The following SHISA9 variants were observed in gnomAD, a reference collection of about 807,000 sequenced individuals.
The protein encoded by SHISA9 is shisa family member 9.
A neutral mutation model predicts 38.0 loss-of-function variants in SHISA9; 13 were observed. The ratio of observed to expected loss-of-function variants is 0.34; its 90% CI spans 0.22 to 0.54. SHISA9 has a LOEUF of 0.54. SHISA9 is among the 20% of genes least tolerant of loss of function. The pLI is 0.91. For synonymous variants in SHISA9, 275 were observed against 242.0 expected (o/e 1.14, Z -1.27); for missense variants, 538 against 575.8 (o/e 0.93, Z 0.67).
At chr16:12,976,461 G>A (rs2072163071) in intron 2 of SHISA9, among the ~76,000 whole-genome samples, 2 of 152,106 alleles carry the variant, frequency 1.3e-5, no homozygotes, top group South Asian at 4.2e-4. Flanking sequence ...TGACATGGGT[G>A]CATCATCTTT....
rs1195559505 is a variant in SHISA9 at position 13,236,161 on chromosome 16, G to C, written c.*752G>C. The C allele has an allele frequency of 6.6e-6, 1 of 152,130 alleles. No homozygotes were observed. Among genetic ancestry groups the C allele is most frequent in the Non-Finnish European group, 1.5e-5 (1 of 68,052 alleles). The allele number at this position is 152,130 out of a possible 1,614,324, so 9.4% of individuals were successfully genotyped here. On this transcript the variant is annotated 3_prime_UTR_variant, in exon 5 of 5. Transcript: ENST00000558583. ...AACAAAAAACAAAAAACATTTTAGA[G>C]AACTCCCATAAGGACCATGACCGTG...
intron 2 of SHISA9, among the ~76,000 whole-genome samples, chr16:13,033,884 G>A (rs966607390): frequency 7.2e-5 from 11 of 152,340 alleles, no homozygotes; most frequent in Admixed American, 2.0e-4. Context: ...TGTGGCTCAC[G>A]CCTGTAATTC....
intron 1 of SHISA9, among the ~76,000 whole-genome samples, chr16:12,904,514 C>G (rs368141569): frequency 2.8e-4 from 42 of 152,288 alleles, no homozygotes; most frequent in African/African-American, 9.9e-4. Context: ...GTCCTGCCCC[C>G]GTGCAGCTCT....
intron 2 of SHISA9, among the ~76,000 whole-genome samples, chr16:13,136,769 A>G (rs1300321842): frequency 1.3e-5 from 2 of 152,170 alleles, no homozygotes; most frequent in Non-Finnish European, 2.9e-5. Context: ...CTTTCTACTG[A>G]TAAGTCCACA....
At chr16:13,180,818 T>C (rs1448662030) in intron 2 of SHISA9, among the ~76,000 whole-genome samples, 1 of 152,220 alleles carries the variant, frequency 6.6e-6, no homozygotes, top group Non-Finnish European at 1.5e-5. Flanking sequence ...AGTAGGATTC[T>C]ACATTCCATG....
At chr16:13,152,625 G>A (rs1338818085) in intron 2 of SHISA9, among the ~76,000 whole-genome samples, 2 of 152,148 alleles carry the variant, frequency 1.3e-5, no homozygotes, top group African/African-American at 4.8e-5. Context: ...CAGGGGCAGG[G>A]TTAAATGCCA....
At chr16:13,373,634 C>T in the SHISA9 span, among the ~76,000 whole-genome samples, 6 of 152,100 alleles carry the variant, frequency 3.9e-5, no homozygotes, top group African/African-American at 1.4e-4. Context: ...TGGTAGCGGG[C>T]GCCTGTAGTC....
At chr16:12,904,915 AC>A in intron 1 of SHISA9, among the ~76,000 whole-genome samples, 1 of 152,204 alleles carries the variant, frequency 6.6e-6, no homozygotes, top group Middle Eastern at 3.4e-3. Context: ...ACGGGTTTTC[AC>A]CATGTTGGCC....
the SHISA9 span, among the ~76,000 whole-genome samples, chr16:13,380,175 G>C: frequency 6.6e-6 from 1 of 151,314 alleles, no homozygotes; most frequent in South Asian, 2.1e-4. Context: ...AATAGAAGAG[G>C]GATTACAGAG....
At chr16:12,990,866 T>C (rs558428973) in intron 2 of SHISA9, among the ~76,000 whole-genome samples, 2 of 152,332 alleles carry the variant, frequency 1.3e-5, no homozygotes, top group South Asian at 2.1e-4. Context: ...ATTTCACCCA[T>C]AGCTTTTCTA....
chr16:13,282,323 T>G, the SHISA9 span, among the ~76,000 whole-genome samples: 1 of 152,040 alleles, frequency 6.6e-6, no homozygotes, highest in East Asian at 1.9e-4. Context: ...AAGATTTTTT[T>G]GTTATTGTTT....
chr16:13,403,893 G>A, the SHISA9 span, among the ~76,000 whole-genome samples: 3 of 152,186 alleles, frequency 2.0e-5, no homozygotes, highest in Admixed American at 2.0e-4. Context: ...GGAAAGGAAG[G>A]GGAATAAACA....
Position 12,902,518 on chromosome 16 carries a change from C to G in SHISA9, c.454C>G (p.Leu152Val). The part of the protein sequence containing the change: ...LHDPTKDKTN[L>V]IVYIICGVVA... Reference sequence around the variant, plus strand: ...CGACCCCACCAAGGACAAGACCAACCTGATCGTCTACATCATCTGCGGGGT... The same window carrying G: ...CGACCCCACCAAGGACAAGACCAACGTGATCGTCTACATCATCTGCGGGGT... The change falls in exon 1 of 5, where the codon CTG becomes GTG. Residue 152 changes from leucine to valine, a missense_variant. Coordinates refer to ENST00000558583, the MANE Select transcript of SHISA9 (RefSeq NM_001145204.3). 6.4e-7 allele frequency: 1 copy of G among 1,551,578 alleles called. No homozygotes were observed.
At chr16:12,923,859 G>A (rs927734504) in intron 2 of SHISA9, among the ~76,000 whole-genome samples, 3 of 151,860 alleles carry the variant, frequency 2.0e-5, no homozygotes, top group African/African-American at 7.3e-5. Context: ...AAAAATTAGA[G>A]GAGTTATCAG....
chr16:13,226,612 G>A (rs1270036885), intron 4 of SHISA9, among the ~76,000 whole-genome samples: 1 of 152,162 alleles, frequency 6.6e-6, no homozygotes, highest in Non-Finnish European at 1.5e-5. Context: ...CTTAGTTGCT[G>A]AGCATAGCAA....
At chr16:13,469,984 C>T in the SHISA9 span, among the ~76,000 whole-genome samples, 1 of 152,202 alleles carries the variant, frequency 6.6e-6, no homozygotes, top group African/African-American at 2.4e-5. Context: ...ACATCTCCTT[C>T]TTGGGGCTAG....
chr16:13,496,534 C>A, the SHISA9 span, among the ~76,000 whole-genome samples: 1 of 151,410 alleles, frequency 6.6e-6, no homozygotes, highest in African/African-American at 2.4e-5. Context: ...TATTTATTAC[C>A]ATTATGGATT....
At chr16:13,094,222 G>A (rs897159086) in intron 2 of SHISA9, among the ~76,000 whole-genome samples, 1 of 152,132 alleles carries the variant, frequency 6.6e-6, no homozygotes, top group Non-Finnish European at 1.5e-5. Flanking sequence ...GTGGGTAGAG[G>A]AGGCAGTTTT....
chr16:12,979,454 G>A (rs767694839), intron 2 of SHISA9, among the ~76,000 whole-genome samples: 4 of 152,032 alleles, frequency 2.6e-5, no homozygotes, highest in East Asian at 1.9e-4. Context: ...TGTGATAAGC[G>A]CCTGTGAGCC....
Sources: allele counts gnomAD v4.1 joint callset (sites outside exome capture counted in the v4.1 genomes callset), GRCh38; gene constraint gnomAD v4.1.1; transcripts MANE v1.5; gene names NCBI Gene and HGNC (gene_info 2026-07-23, HGNC 2026-07-21).